Variants in MICALL2 observed in about 807,000 individuals in gnomAD.
MICALL2 encodes MICAL-like protein 2.
MICALL2 carries 111 observed loss-of-function variants against 91.1 expected under a neutral mutation model. The ratio of observed to expected loss-of-function variants is 1.22; its 90% CI spans 1.04 to 1.43. The LOEUF is 1.43. MICALL2 is among the 40% of genes most tolerant of loss of function. MICALL2 has a pLI of 0.00. For missense variants in MICALL2, 1,556 were observed against 1,236.0 expected, an observed-to-expected ratio of 1.26 and a Z score of -3.88; for synonymous variants, 694 against 525.3, an observed-to-expected ratio of 1.32 and a Z score of -4.39.
At chr7:1,441,633 G>A (rs941258980) in intron 7 of MICALL2, 4 of 160,154 alleles carry the variant, frequency 2.5e-5, no homozygotes, top group East Asian at 1.9e-4. Flanking sequence ...GGAGCACAGG[G>A]CGCTCTCACC....
chr7:1,458,600 C>T (rs532192583), intron 1 of MICALL2, among the ~76,000 whole-genome samples: 3 of 152,350 alleles, frequency 2.0e-5, no homozygotes, highest in African/African-American at 7.2e-5. Context: ...ACAGCCTAGT[C>T]CTCAACCCCT....
chr7:1,435,021 C>G (rs1188083974), intron 16 of MICALL2, 80 bp downstream of exon 16: 6 of 1,331,978 alleles, frequency 4.5e-6, no homozygotes, highest in Non-Finnish European at 3.1e-6. Flanking sequence ...CCCGGTCCAC[C>G]CAGCCAGCCA....
chr7:1,437,139 C>T (rs1780008915), intron 14 of MICALL2: 1 of 479,008 alleles, frequency 2.1e-6, no homozygotes, highest in South Asian at 3.2e-5. Flanking sequence ...TGCAGCACAG[C>T]AAGGAAAGGG....
In MICALL2 at chr7:1,459,179, C is replaced by T; in HGVS notation, c.143+5G>A. 6.2e-7 allele frequency: 1 copy of T among 1,608,266 alleles called. No individual in the cohort carries two copies. The highest frequency in any genetic ancestry group is 8.5e-7 in the Non-Finnish European group (1 of 1,177,580). ...AAGAATCAAAGGGCGCCAGGCAGGA[C>T]TTACATGAGGTCGGGCCGGTGGCGG... On this transcript the variant is annotated splice_donor_5th_base_variant and intron_variant, in intron 1 of 16. Transcript: ENST00000297508.
Position 1,435,228 on chromosome 7 carries a change from T to C in MICALL2, c.2592-81A>G, listed in dbSNP as rs575352884. The C allele has an allele frequency of 2.5e-4, 366 of 1,463,104 alleles. 1 individual carries two copies. In the African/African-American group the frequency reaches 4.4e-3, roughly 18 times the overall value. The allele number at this position is 1,463,104 out of a possible 1,614,324, so 90.6% of individuals were successfully genotyped here. ...GGGGCCTCCGGACAGTCTCCAGCAG[T>C]GGCACCCCAGCCCTGAGTCCCGCCT... On this transcript the variant is annotated intron_variant, in intron 15 of 16. Coordinates refer to ENST00000297508, the MANE Select transcript of MICALL2 (RefSeq NM_182924.4).
chr7:1,441,817 C>T (rs960712568), intron 7 of MICALL2: 16 of 274,924 alleles, frequency 5.8e-5, no homozygotes, highest in East Asian at 4.0e-4. Context: ...AGGCAGGAAG[C>T]GCAAAACACC....
intron 5 of MICALL2, among the ~76,000 whole-genome samples, chr7:1,446,046 C>T (rs1467638608): frequency 1.0e-4 from 12 of 117,742 alleles, no homozygotes; most frequent in East Asian, 4.8e-4. Flanking sequence ...GGCATCTGGA[C>T]GGGGGCACTG....
At position 1,442,229 on chromosome 7, in the gene MICALL2, G is replaced by A. The variant is rs1183691439; in HGVS notation, c.1674C>T (p.Ala558=). The A allele has an allele frequency of 1.3e-5, 21 of 1,612,756 alleles. No homozygotes were observed. The highest frequency in any genetic ancestry group is 1.8e-5 in the Non-Finnish European group (21 of 1,179,912). Residue 558 remains alanine (A), a synonymous_variant, in exon 7 of 17, where the codon GCC becomes GCT. Coordinates refer to ENST00000297508, the MANE Select transcript of MICALL2 (RefSeq NM_182924.4). ...VGAGSRPKPE[A]PMAKGKSTTL... ...TGGTGCTTTTACCCTTTGCCATCGGGGCCTCTGGCTTCGGCCTGGAGCCAG... is the reference window on the plus strand; with the variant it reads ...TGGTGCTTTTACCCTTTGCCATCGGAGCCTCTGGCTTCGGCCTGGAGCCAG...
At chr7:1,442,062 GAC>G in intron 7 of MICALL2, 128 bp downstream of exon 7, 1 of 1,064,952 alleles carries the variant, frequency 9.4e-7, no homozygotes, top group Non-Finnish European at 1.4e-6. Context: ...TGTCACGGAG[GAC>G]AGAGATGAGA....
In MICALL2 at chr7:1,448,519, G is replaced by C. The variant is rs879513320; in HGVS notation, c.334+101C>G. The C allele has an allele frequency of 2.3e-4, 253 of 1,100,948 alleles. 1 individual carries two copies. Among genetic ancestry groups the C allele is most frequent in the Admixed American group, 5.1e-4 (28 of 54,640 alleles). 68.2% of individuals were successfully genotyped at this position (1,100,948 alleles called of 1,614,324 possible). A position where few individuals can be genotyped will look rare whatever the true frequency, so the allele number is the denominator to read the frequency against. ...CCATGCCAGGGGCCATTCTTGGGGG[G>C]GGGGCTGGGCATGGACCCCAAAAAG... On this transcript the variant is annotated intron_variant, in intron 3 of 16. Transcript: ENST00000297508.
At chr7:1,450,397 G>A (rs1454582291) in intron 1 of MICALL2, 109 bp from the exon 2 acceptor site, 2 of 907,388 alleles carry the variant, frequency 2.2e-6, no homozygotes, top group East Asian at 2.4e-5. Flanking sequence ...GCCAGGATGG[G>A]GGGCTGTGAA....
chr7:1,436,796 C>G lies in MICALL2; in HGVS notation c.2537G>C (p.Ser846Thr). The G allele has an allele frequency of 6.2e-7, 1 of 1,608,894 alleles. No individual in the cohort carries two copies. The change falls in exon 15 of 17, where the codon AGC becomes ACC. Residue 846 changes from serine (S) to threonine (T), a missense_variant. Ser to Thr is a moderately conservative substitution (Grantham distance 58). Transcript: ENST00000297508. ...REQELLEQYV[S>T]TVNDRSDIVD... Reference sequence around the variant, plus strand: ...GATGTCACTGCGGTCGTTCACGGTGCTCACGTACTGCTCCAGCAGCTCCTG... The same window carrying G: ...GATGTCACTGCGGTCGTTCACGGTGGTCACGTACTGCTCCAGCAGCTCCTG...
Position 1,442,433 on chromosome 7 carries a change from T to C in MICALL2, c.1470A>G (p.Ala490=), listed in dbSNP as rs755933025. ...GCTTGGCTAAGGGACTTGCTTGTGG[T>C]GCTTCAGTTTTGGGCTGAGAACTGG... The part of the protein sequence containing the change: ...AVPSSQPKTE[A]PQASPLAKPL... The change falls in exon 7 of 17, where the codon GCA becomes GCG. Residue 490 remains alanine (A), a synonymous_variant. Transcript: ENST00000297508. 24 of 1,562,734 alleles carry C rather than the reference T, an allele frequency of 1.5e-5. No individual in the cohort carries two copies. Among genetic ancestry groups the C allele is most frequent in the Admixed American group, 1.3e-4 (7 of 54,262 alleles).
chr7:1,440,158 G>A, intron 8 of MICALL2, 73 bp from the exon 9 acceptor site: 2 of 1,522,572 alleles, frequency 1.3e-6, no homozygotes, highest in Non-Finnish European at 1.7e-6. Flanking sequence ...GGGCTCCCAG[G>A]CCATATGCAG....
At position 1,454,702 on chromosome 7, in the gene MICALL2, C is replaced by T. The variant is rs372761805; in HGVS notation, c.144-4414G>A. Reference sequence around the variant, plus strand: ...GCAGCTTCCTGCTGACCCAACCCCGCGTGGGAGAGGAGGTCAGCCCACCCT... The same window carrying T: ...GCAGCTTCCTGCTGACCCAACCCCGTGTGGGAGAGGAGGTCAGCCCACCCT... On this transcript the variant is annotated intron_variant, in intron 1 of 16. Transcript: ENST00000297508. Among the ~76,000 whole-genome samples the T allele has an allele frequency of 4.8e-4, 73 of 152,314 alleles. No individual in the cohort carries two copies. In the South Asian group the frequency reaches 0.011, roughly 22 times the overall value.
intron 15 of MICALL2, among the ~76,000 whole-genome samples, chr7:1,435,826 G>A (rs565331227): frequency 5.9e-5 from 9 of 152,240 alleles, no homozygotes; most frequent in South Asian, 2.1e-4. Context: ...AGGCTGAGGC[G>A]GGCGGATCAC....
intron 2 of MICALL2, among the ~76,000 whole-genome samples, chr7:1,449,457 G>A (rs182364459): frequency 9.9e-4 from 151 of 152,298 alleles, no homozygotes; most frequent in African/African-American, 3.1e-3. Flanking sequence ...TTACAGGTGC[G>A]CACCACCACG....
rs1183245935 is a variant in MICALL2, at chr7:1,450,962, C to G, written c.144-674G>C. On this transcript the variant is annotated intron_variant, in intron 1 of 16. Coordinates refer to ENST00000297508, the MANE Select transcript of MICALL2 (RefSeq NM_182924.4). ...CGGTTATGTCTGCATCTCACAGAGA[C>G]AGCGGCTCGGGGACCTGCCCCAGGT... is the stretch of plus-strand genomic sequence containing the variant. Among the ~76,000 whole-genome samples the G allele has an allele frequency of 3.9e-5, 6 of 152,214 alleles. No individual in the cohort carries two copies. In the South Asian group the frequency reaches 8.3e-4, roughly 21 times the overall value.
intron 1 of MICALL2, among the ~76,000 whole-genome samples, chr7:1,453,001 T>G (rs868326556): frequency 1.3e-5 from 2 of 151,724 alleles, no homozygotes; most frequent in African/African-American, 4.8e-5. Context: ...CCTCCCCAGA[T>G]GCACCTTGCT....
Sources: allele counts gnomAD v4.1 joint callset (sites outside exome capture counted in the v4.1 genomes callset), GRCh38; gene constraint gnomAD v4.1.1; transcripts MANE v1.5; gene names NCBI Gene and HGNC (gene_info 2026-07-23, HGNC 2026-07-21).